The following GPR141 variants were observed in gnomAD, a reference collection of about 807,000 sequenced individuals.
GPR141 encodes the protein G protein-coupled receptor 141.
GPR141 carries 6 observed loss-of-function variants against 6.8 expected under a neutral mutation model. That is an observed-to-expected ratio of 0.88 (90% CI 0.48 to 1.74). The LOEUF (loss-of-function observed/expected upper bound fraction) is 1.74. Among genes scored for constraint, GPR141 ranks in the 40% most tolerant of loss-of-function variants. GPR141 has a pLI of 0.01. For synonymous variants in GPR141, 140 were observed against 142.3 expected (o/e 0.98, Z 0.11); for missense variants, 372 against 372.9 (o/e 1.00, Z 0.02).
At chr7:37,727,243 A>C (rs1036105839) in intron 2 of GPR141, among the ~76,000 whole-genome samples, 3 of 152,046 alleles carry the variant, frequency 2.0e-5, no homozygotes, top group Non-Finnish European at 2.9e-5. Flanking sequence ...AATGTCCTTT[A>C]ATTATTTATC....
intron 2 of GPR141, among the ~76,000 whole-genome samples, chr7:37,738,092 T>G (rs886964232): frequency 6.6e-6 from 1 of 152,234 alleles, no homozygotes; most frequent in African/African-American, 2.4e-5. Context: ...GTATGTGTGC[T>G]TTGGACACTT....
intron 2 of GPR141, among the ~76,000 whole-genome samples, chr7:37,739,828 A>T (rs1379383475): frequency 6.6e-6 from 1 of 152,204 alleles, no homozygotes; most frequent in Non-Finnish European, 1.5e-5. Context: ...TGAGAAATTC[A>T]GGTAAACCTT....
chr7:37,740,551 T>C lies in GPR141; in HGVS notation c.158T>C (p.Met53Thr). The C allele has an allele frequency of 6.2e-7, 1 of 1,614,136 alleles. No homozygotes were observed. Among genetic ancestry groups the C allele is most frequent in the Non-Finnish European group, 8.5e-7 (1 of 1,179,992 alleles). Residue 53 changes from methionine (M) to threonine (T), a missense_variant, in exon 3 of 3, where the codon ATG becomes ACG. By Grantham distance (81) the Met-to-Thr change is moderately conservative (BLOSUM62 -1). Transcript: ENST00000334425. Reference protein sequence around the residue: ...VKMNTRSVTTMAVINLVVVHS... With the variant: ...VKMNTRSVTTTAVINLVVVHS... The stretch of plus-strand genomic sequence containing the variant: ...ATGAACACCCGGTCAGTGACCACCA[T>C]GGCGGTCATTAACTTGGTGGTGGTC...
chr7:37,741,322 C>G lies in GPR141; in HGVS notation c.*11C>G. On this transcript the variant is annotated 3_prime_UTR_variant, in exon 3 of 3. Transcript: ENST00000334425. ...GTTTTGTGCCGTTAGCCACAAACTA[C>G]AGTATTCATATTTGCTTCCTTTATA... is the stretch of plus-strand genomic sequence containing the variant. The G allele has an allele frequency of 6.5e-7, 1 of 1,549,974 alleles. No individual in the cohort carries two copies. The highest frequency in any genetic ancestry group is 8.7e-7 in the Non-Finnish European group (1 of 1,144,230).
chr7:37,696,571 A>C (rs1810025691), intron 2 of GPR141, among the ~76,000 whole-genome samples: 1 of 151,538 alleles, frequency 6.6e-6, no homozygotes, highest in Non-Finnish European at 1.5e-5. Context: ...AGCCCAGCAC[A>C]AGGACCACTG....
At chr7:37,733,734 G>A (rs1812100954) in intron 2 of GPR141, among the ~76,000 whole-genome samples, 1 of 151,524 alleles carries the variant, frequency 6.6e-6, no homozygotes, top group Admixed American at 6.6e-5. Flanking sequence ...TAGCATCACT[G>A]TTAGTTACCA....
At chr7:37,708,405 A>G (rs960811293) in intron 2 of GPR141, among the ~76,000 whole-genome samples, 6 of 147,404 alleles carry the variant, frequency 4.1e-5, no homozygotes, top group Admixed American at 2.1e-4. Context: ...TATTTTTTGT[A>G]CTAGGAAGAC....
rs1441317614 is a variant in GPR141 at position 37,741,334 on chromosome 7, T to C, written c.*23T>C. 6.6e-7 allele frequency: 1 copy of C among 1,509,116 alleles called. No individual in the cohort carries two copies. The highest frequency in any genetic ancestry group is 9.0e-7 in the Non-Finnish European group (1 of 1,115,828). 93.5% of individuals were successfully genotyped at this position (1,509,116 alleles called of 1,614,324 possible). On this transcript the variant is annotated 3_prime_UTR_variant, in exon 3 of 3. Coordinates refer to ENST00000334425, the MANE Select transcript of GPR141 (RefSeq NM_001381946.1). The stretch of plus-strand genomic sequence containing the variant: ...TAGCCACAAACTACAGTATTCATAT[T>C]TGCTTCCTTTATATTGGGAATAAAA...
chr7:37,734,755 G>A (rs1436557840), intron 2 of GPR141, among the ~76,000 whole-genome samples: 2 of 152,184 alleles, frequency 1.3e-5, no homozygotes, highest in African/African-American at 4.8e-5. Context: ...CTTCCCTAAA[G>A]AACTGATAGT....
intron 2 of GPR141, among the ~76,000 whole-genome samples, chr7:37,737,513 C>T (rs2131860436): frequency 6.6e-6 from 1 of 152,286 alleles, no homozygotes; most frequent in Non-Finnish European, 1.5e-5. Context: ...ACATACAGTC[C>T]AGGATGGCTT....
At chr7:37,684,215 A>T (rs1809399063) in intron 1 of GPR141, among the ~76,000 whole-genome samples, 1 of 152,180 alleles carries the variant, frequency 6.6e-6, no homozygotes, top group Non-Finnish European at 1.5e-5. Flanking sequence ...GCACTATTGA[A>T]TTTGTGTATA....
intron 2 of GPR141, among the ~76,000 whole-genome samples, chr7:37,740,150 A>G (rs559260280): frequency 1.3e-5 from 2 of 152,326 alleles, no homozygotes; most frequent in South Asian, 2.1e-4. Context: ...GGGCAACTTG[A>G]AGATTCAGAT....
At chr7:37,713,163 C>T (rs1810888489) in intron 2 of GPR141, among the ~76,000 whole-genome samples, 1 of 152,082 alleles carries the variant, frequency 6.6e-6, no homozygotes, top group Non-Finnish European at 1.5e-5. Context: ...GAAGAAACTG[C>T]AAAGTTATAT....
In GPR141 at chr7:37,720,361, A is replaced by C. The variant is rs964944646; in HGVS notation, c.-14-20019A>C. On this transcript the variant is annotated intron_variant, in intron 2 of 2. Coordinates refer to ENST00000334425, the MANE Select transcript of GPR141 (RefSeq NM_001381946.1). ...GGGCTAGGTCTTCCTGGAGCTGAGC[A>C]TGTGAATTGAGCACACCATAATAAT... 3.3e-5 allele frequency among the ~76,000 whole-genome samples: 5 copies of C among 152,344 alleles called. No homozygotes were observed. In the East Asian group the frequency reaches 5.8e-4, roughly 18 times the overall value.
intron 2 of GPR141, among the ~76,000 whole-genome samples, chr7:37,727,705 T>C (rs1230434152): frequency 2.0e-5 from 3 of 152,200 alleles, no homozygotes; most frequent in African/African-American, 7.2e-5. Flanking sequence ...TTTGTTTAAT[T>C]TGGGGGCAAG....
At chr7:37,728,964 A>C (rs991795391) in intron 2 of GPR141, among the ~76,000 whole-genome samples, 3 of 152,160 alleles carry the variant, frequency 2.0e-5, no homozygotes, top group African/African-American at 7.2e-5. Context: ...TTGATGATGC[A>C]ATTTGGACTT....
At chr7:37,699,913 A>G (rs904839194) in intron 2 of GPR141, among the ~76,000 whole-genome samples, 4 of 152,250 alleles carry the variant, frequency 2.6e-5, no homozygotes, top group African/African-American at 9.6e-5. Flanking sequence ...CCATCTGTAT[A>G]GTGACAACTG....
intron 2 of GPR141, among the ~76,000 whole-genome samples, chr7:37,696,002 T>C (rs2131741974): frequency 6.6e-6 from 1 of 152,324 alleles, no homozygotes; most frequent in Non-Finnish European, 1.5e-5. Flanking sequence ...GTTCTTGGAA[T>C]CACATGAAAA....
At chr7:37,729,088 G>T (rs1811784405) in intron 2 of GPR141, among the ~76,000 whole-genome samples, 1 of 152,200 alleles carries the variant, frequency 6.6e-6, no homozygotes, top group Non-Finnish European at 1.5e-5. Context: ...GCTCGAGGCT[G>T]AAGGAAGGGG....
Sources: allele counts gnomAD v4.1 joint callset (sites outside exome capture counted in the v4.1 genomes callset), GRCh38; gene constraint gnomAD v4.1.1; transcripts MANE v1.5; gene names NCBI Gene and HGNC (gene_info 2026-07-23, HGNC 2026-07-21).